MYH7: variants seen among roughly 807,000 people sequenced by gnomAD.
The protein encoded by MYH7 is myosin heavy chain 7, also known as myosin-7.
A neutral mutation model predicts 225.4 loss-of-function variants in MYH7; 129 were observed. The ratio of observed to expected loss-of-function variants is 0.57; its 90% CI spans 0.50 to 0.66. MYH7 has a LOEUF of 0.66. Among genes scored for constraint, MYH7 ranks in the 30% least tolerant of loss-of-function variants. The pLI is 0.00. For missense variants in MYH7, 1,649 were observed against 2,517.0 expected, an observed-to-expected ratio of 0.66 and a Z score of 7.38; for synonymous variants, 971 against 1,007.6, an observed-to-expected ratio of 0.96 and a Z score of 0.69.
rs1200781061 is a variant in MYH7 at position 23,422,410 on chromosome 14, A to C, written c.3100-85T>G. 1.9e-6 allele frequency: 3 copies of C among 1,594,246 alleles called. No homozygotes were observed. The African/African-American group carries it at 4.0e-5, about 21-fold the overall frequency. On this transcript the variant is annotated intron_variant, in intron 24 of 39. Transcript: ENST00000355349. ...TGTTCAGTTACCTCAGGACTTGGTAAATCTTTGTGTTCAGGACTTGGGAAA... is the reference window on the plus strand; with the variant it reads ...TGTTCAGTTACCTCAGGACTTGGTACATCTTTGTGTTCAGGACTTGGGAAA...
chr14:23,426,781 A>G lies in MYH7; in HGVS notation c.2040T>C (p.Ser680=), dbSNP rs200980487. 6 of 1,614,144 alleles carry G rather than the reference A, an allele frequency of 3.7e-6. No individual in the cohort carries two copies. The Admixed American group carries it at 8.3e-5, about 22-fold the overall frequency. Reference sequence around the variant, plus strand: ...GGCCTGAGTTTGTGGCCTCACCTGGAGACTTTGTCTCATTAGGGATGATAC... The same window carrying G: ...GGCCTGAGTTTGTGGCCTCACCTGGGGACTTTGTCTCATTAGGGATGATAC... ...VRCIIPNETK[S]PGVMDNPLVM... The change falls in exon 18 of 40, where the codon TCT becomes TCC. Residue 680 remains serine (S), a synonymous_variant. Coordinates refer to ENST00000355349, the MANE Select transcript of MYH7 (RefSeq NM_000257.4).
In MYH7 at chr14:23,430,516, A is replaced by G. The variant is rs3729810; in HGVS notation, c.999+44T>C. The G allele has an allele frequency of 0.096, 144,951 of 1,508,828 alleles. 11,449 individuals are homozygous for G. Among genetic ancestry groups the G allele is most frequent in the African/African-American group, 0.42 (30,751 of 72,670 alleles). 93.5% of individuals were successfully genotyped at this position (1,508,828 alleles called of 1,614,324 possible). On this transcript the variant is annotated intron_variant, in intron 11 of 39. Transcript: ENST00000355349. ...GCTTTTGGACCCCTGTTTGCCCCTC[A>G]CTGCCAATCCTCCCACCCCCTGGCT...
intron 10 of MYH7, 70 bp downstream of exon 10, chr14:23,430,831 G>T: frequency 7.3e-7 from 1 of 1,368,478 alleles, no homozygotes; most frequent in Non-Finnish European, 1.0e-6. Flanking sequence ...TGCCAGCTGA[G>T]TCCAGCCACA....
Position 23,412,870 on chromosome 14 carries a change from C to A in MYH7, c.5792G>T (p.Gly1931Val). 6.2e-7 allele frequency: 1 copy of A among 1,614,064 alleles called. No individual in the cohort carries two copies. Among genetic ancestry groups the A allele is most frequent in the Non-Finnish European group, 8.5e-7 (1 of 1,179,986 alleles). ...RAKSRDIGTKGLNEE is the reference protein window; with the variant it reads ...RAKSRDIGTKVLNEE ...GTGGCAAAGCTACTCCTCATTCAAG[C>A]CCTTTTGAAAGGAAACAAAGTCCAA... The change falls in exon 40 of 40, where the codon GGC becomes GTC. Residue 1931 changes from glycine to valine, a missense_variant and splice_region_variant. Gly to Val is a moderately radical substitution (Grantham distance 109, BLOSUM62 -3). Around this residue, in one of 12 missense-constraint regions of MYH7, gnomAD observed 687 missense variants for 913.8 expected, o/e 0.75. Transcript: ENST00000355349.
Position 23,426,100 on chromosome 14 carries a change from A to G in MYH7, c.2045-19T>C. On this transcript the variant is annotated intron_variant, in intron 18 of 39. Coordinates refer to ENST00000355349, the MANE Select transcript of MYH7 (RefSeq NM_000257.4). ...ATCACCCCTGTGGCAAGAAGGAAGT[A>G]GGAGGAGTCTGTGAGAACACTGGAC... 1 of 1,613,822 alleles carries G rather than the reference A, an allele frequency of 6.2e-7. No individual in the cohort carries two copies. The highest frequency in any genetic ancestry group is 8.5e-7 in the Non-Finnish European group (1 of 1,179,812).
chr14:23,417,403 C>G, intron 31 of MYH7, 85 bp from the exon 32 acceptor site: 1 of 1,611,692 alleles, frequency 6.2e-7, no homozygotes, highest in Non-Finnish European at 8.5e-7. Context: ...TGGGCTCAGC[C>G]CTCCTCCCCC....
intron 15 of MYH7, 107 bp downstream of exon 15, chr14:23,428,393 C>T (rs930136760): frequency 3.2e-6 from 5 of 1,560,946 alleles, no homozygotes; most frequent in Admixed American, 1.7e-5. Context: ...GATCCTTCAG[C>T]CCCTTCTATT....
At chr14:23,413,974 C>T (rs1233845293) in intron 38 of MYH7, 33 bp downstream of exon 38, 1 of 1,614,060 alleles carries the variant, frequency 6.2e-7, no homozygotes, top group East Asian at 2.2e-5. Context: ...TCCTATGCCT[C>T]CCCTGGGCCT....
chr14:23,421,100 G>A, intron 25 of MYH7, 52 bp from the exon 26 acceptor site: 1 of 1,357,224 alleles, frequency 7.4e-7, no homozygotes, highest in Non-Finnish European at 1.1e-6. Flanking sequence ...GGCCTCAGGA[G>A]GGTCCACCAG....
At chr14:23,434,342 C>G (rs1007743642) in intron 1 of MYH7, 93 bp from the exon 2 acceptor site, 2 of 858,524 alleles carry the variant, frequency 2.3e-6, no homozygotes, top group African/African-American at 1.8e-5. Context: ...TCTTCAGCAT[C>G]CACCCTCTTC....
chr14:23,423,608 T>C lies in MYH7; in HGVS notation c.3038A>G (p.Glu1013Gly). Reference sequence around the variant, plus strand: ...AGTCAGGGTGTTGACCTTGTCCTCCTCGGCCTGAAGGTCATCCAGAGCCTG... The same window carrying C: ...AGTCAGGGTGTTGACCTTGTCCTCCCCGGCCTGAAGGTCATCCAGAGCCTG... ...HQQALDDLQA[E>G]EDKVNTLTKA... is the part of the protein sequence containing the mutation. The change falls in exon 24 of 40, where the codon GAG (glutamate) becomes GGG (glycine). Residue 1013 changes from glutamate to glycine, a missense_variant. Transcript: ENST00000355349. 6.2e-7 allele frequency: 1 copy of C among 1,614,114 alleles called. No homozygotes were observed. Among genetic ancestry groups the C allele is most frequent in the Non-Finnish European group, 8.5e-7 (1 of 1,180,024 alleles).
At chr14:23,413,965 C>T in intron 38 of MYH7, 42 bp downstream of exon 38, 1 of 1,614,136 alleles carries the variant, frequency 6.2e-7, no homozygotes, top group Non-Finnish European at 8.5e-7. Flanking sequence ...GACGAGCTCT[C>T]CTATGCCTCC....
chr14:23,415,449 T>G lies in MYH7; in HGVS notation c.5215A>C (p.Thr1739Pro), dbSNP rs1196094448. Residue 1739 changes from threonine to proline, a missense_variant, in exon 36 of 40, where the codon ACT becomes CCT. This residue lies in a region of MYH7 where 687 missense variants were observed against 913.8 expected (regional missense o/e 0.75). Coordinates refer to ENST00000355349, the MANE Select transcript of MYH7 (RefSeq NM_000257.4). This position sits in a 1 kb window ranked among gnomAD's most constrained non-coding sequence, Gnocchi z 6.3. Reference sequence around the variant, plus strand: ...TCCTGCACTGCCTCCTCCACTTCAGTCTGGAGCTGGGACAGGTCAGCATCC... The same window carrying G: ...TCCTGCACTGCCTCCTCCACTTCAGGCTGGAGCTGGGACAGGTCAGCATCC... ...KMDADLSQLQ[T>P]EVEEAVQECR... 6.2e-7 allele frequency: 1 copy of G among 1,614,248 alleles called. No individual in the cohort carries two copies. The highest frequency in any genetic ancestry group is 1.3e-5 in the African/African-American group (1 of 75,080).
Position 23,433,739 on chromosome 14 carries a change from G to T in MYH7, c.-7C>A, listed in dbSNP as rs876657890. The T allele has an allele frequency of 1.8e-5, 29 of 1,613,552 alleles. No individual in the cohort carries two copies. Among genetic ancestry groups the T allele is most frequent in the Non-Finnish European group, 2.3e-5 (27 of 1,179,964 alleles). On this transcript the variant is annotated splice_region_variant and 5_prime_UTR_variant, in exon 3 of 40. Transcript: ENST00000355349. This position sits in a 1 kb window ranked among gnomAD's most constrained non-coding sequence, Gnocchi z 4.1. ...CCATCTCCGAATCTCCCATGGCTGT[G>T]CCTGGAGTGAGCAGAAGCTGGCTGC...
At chr14:23,413,710 G>T (rs748883404) in intron 39 of MYH7, 49 bp downstream of exon 39, 1 of 1,612,092 alleles carries the variant, frequency 6.2e-7, no homozygotes, top group East Asian at 2.2e-5. Context: ...GCTCTGTCTG[G>T]GTATGCCTGC....
At chr14:23,416,812 G>T in intron 33 of MYH7, 56 bp downstream of exon 33, 2 of 1,612,354 alleles carry the variant, frequency 1.2e-6, no homozygotes, top group South Asian at 2.2e-5. Flanking sequence ...ATGAGAACAG[G>T]GACCAAAAGC....
chr14:23,428,805 C>T (rs1892802459), intron 14 of MYH7, 135 bp from the exon 15 acceptor site: 11 of 1,572,180 alleles, frequency 7.0e-6, no homozygotes, highest in Admixed American at 1.9e-5. Context: ...AGGAGGGCTT[C>T]CCCTGAAGAC....
rs1893011381 is a variant in MYH7 at position 23,433,031 on chromosome 14, C to T, written c.345+53G>A. ...AGACACTCTTGGCTCCTGGGGTGGACATGGATGGAGCAAGAACAGAGATCC... is the reference window on the plus strand; with the variant it reads ...AGACACTCTTGGCTCCTGGGGTGGATATGGATGGAGCAAGAACAGAGATCC... On this transcript the variant is annotated intron_variant, in intron 4 of 39. Coordinates refer to ENST00000355349, the MANE Select transcript of MYH7 (RefSeq NM_000257.4). The surrounding 1 kb of genome is among the most constrained non-coding windows in gnomAD (Gnocchi z 4.1). 1.9e-6 allele frequency: 3 copies of T among 1,613,250 alleles called. No homozygotes were observed. The East Asian group carries it at 6.7e-5, about 36-fold the overall frequency.
Position 23,431,884 on chromosome 14 carries a change from G to T in MYH7, c.531-15C>A, listed in dbSNP as rs559147441. On this transcript the variant is annotated splice_polypyrimidine_tract_variant and intron_variant, in intron 6 of 39. Transcript: ENST00000355349. The stretch of plus-strand genomic sequence containing the variant: ...CGGATTCTCCGCTGTGAAGACAGGG[G>T]CTTATTGGGCAGTGAACAATACTAC... The T allele has an allele frequency of 4.3e-6, 7 of 1,612,048 alleles. No homozygotes were observed. Among genetic ancestry groups the T allele is most frequent in the South Asian group, 2.2e-5 (2 of 91,028 alleles).
Sources: allele counts gnomAD v4.1 joint callset, GRCh38; gene constraint gnomAD v4.1.1; regional missense constraint gnomAD v4.1.1; non-coding constraint Gnocchi (gnomAD v3.1); transcripts MANE v1.5; gene names NCBI Gene and HGNC (gene_info 2026-07-23, HGNC 2026-07-21).